MAPK6: variants seen among roughly 807,000 people sequenced by gnomAD.
MAPK6 encodes the protein mitogen-activated protein kinase 6.
MAPK6 carries 19 observed loss-of-function variants against 59.3 expected under a neutral mutation model. The ratio of observed to expected loss-of-function variants is 0.32; its 90% CI spans 0.22 to 0.47. MAPK6 has a LOEUF of 0.47. MAPK6 is among the 20% of genes least tolerant of loss of function. The pLI, the probability that MAPK6 is intolerant of heterozygous loss-of-function variation, is 1.00. For synonymous variants in MAPK6, 316 were observed against 290.3 expected, an observed-to-expected ratio of 1.09 and a Z score of -0.90; for missense variants, 724 against 847.9, an observed-to-expected ratio of 0.85 and a Z score of 1.81.
chr15:52,003,691 A>G (rs1341542813), intron 2 of MAPK6, among the ~76,000 whole-genome samples: 1 of 152,242 alleles, frequency 6.6e-6, no homozygotes, highest in Non-Finnish European at 1.5e-5. Context: ...TAAAAATAAA[A>G]TGCTTTTAAA....
Position 52,027,634 on chromosome 15 carries a change from T to TA in MAPK6, c.-632+8259dup, listed in dbSNP as rs1555397645. Reference sequence around the variant, plus strand: ...TAATCTTAATTTTTTTTTTTTTTTTTATAGGCGGGGTCTCCCTGTGTTGCC... The same window carrying TA: ...TAATCTTAATTTTTTTTTTTTTTTTTAATAGGCGGGGTCTCCCTGTGTTGCC... On this transcript the variant is annotated intron_variant, in intron 1 of 5. Transcript: ENST00000261845. The TA allele has an allele frequency of 2.0e-4, 29 of 148,696 alleles. No homozygotes were observed. The East Asian group carries it at 3.7e-3, about 19-fold the overall frequency. 9.2% of individuals were successfully genotyped at this position (148,696 alleles called of 1,614,324 possible).
At chr15:52,054,897 C>T (rs1342905472) in intron 3 of MAPK6, among the ~76,000 whole-genome samples, 1 of 152,154 alleles carries the variant, frequency 6.6e-6, no homozygotes, top group African/African-American at 2.4e-5. Context: ...AAGCGACTCT[C>T]CTGCCTCAGC....
chr15:52,029,336 G>T (rs1048639505), intron 1 of MAPK6, among the ~76,000 whole-genome samples: 1 of 151,954 alleles, frequency 6.6e-6, no homozygotes, highest in Non-Finnish European at 1.5e-5. Context: ...TATTAAACAG[G>T]CTTCTCTCCT....
intron 1 of MAPK6, among the ~76,000 whole-genome samples, chr15:52,039,509 CTTTTTTTTT>C (rs11341546): frequency 1.2e-4 from 10 of 85,830 alleles, no homozygotes; most frequent in South Asian, 3.9e-4. Context: ...AGTGTTTTGT[CTTTTTTTTT>C]TTTTTTTTTT....
intron 1 of MAPK6, among the ~76,000 whole-genome samples, chr15:51,978,680 G>GA (rs1213548383): frequency 1.3e-5 from 2 of 150,968 alleles, no homozygotes; most frequent in African/African-American, 2.4e-5. Flanking sequence ...AACAAAACAA[G>GA]AAAAAAACTT....
chr15:51,995,365 T>C (rs1402358090), intron 2 of MAPK6, among the ~76,000 whole-genome samples: 2 of 152,188 alleles, frequency 1.3e-5, no homozygotes, highest in East Asian at 3.8e-4. Context: ...TTTCTGCAGC[T>C]GTAGGAGTTG....
intron 2 of MAPK6, among the ~76,000 whole-genome samples, chr15:51,984,694 A>G (rs1403460419): frequency 2.7e-5 from 4 of 150,542 alleles, no homozygotes; most frequent in East Asian, 1.9e-4. Flanking sequence ...TCCGGGGGGG[A>G]AGAAAAGCCC....
intron 1 of MAPK6, among the ~76,000 whole-genome samples, chr15:52,045,307 C>T (rs2031563618): frequency 6.6e-6 from 1 of 152,080 alleles, no homozygotes; most frequent in Non-Finnish European, 1.5e-5. Context: ...ACATTAAATA[C>T]CTTTTCATAG....
chr15:52,008,891 A>G (rs941596562), intron 3 of MAPK6, among the ~76,000 whole-genome samples: 3 of 152,192 alleles, frequency 2.0e-5, no homozygotes, highest in Non-Finnish European at 4.4e-5. Flanking sequence ...AGAGGTGGTT[A>G]TCAGTTTCTG....
intron 1 of MAPK6, among the ~76,000 whole-genome samples, chr15:51,978,623 A>G (rs545490284): frequency 6.6e-6 from 1 of 151,788 alleles, no homozygotes; most frequent in Non-Finnish European, 1.5e-5. Context: ...AAGTACGCTC[A>G]ATTTCAGAGA....
At chr15:52,062,878 C>G (rs528067124) in intron 5 of MAPK6, among the ~76,000 whole-genome samples, 61 of 152,222 alleles carry the variant, frequency 4.0e-4, no homozygotes, top group Non-Finnish European at 7.2e-4. Flanking sequence ...AGGATGGTAG[C>G]TTATAGAGTC....
At chr15:52,045,675 TTTGA>T (rs1474904634) in intron 1 of MAPK6, among the ~76,000 whole-genome samples, 151 bp from the exon 2 acceptor site, 1 of 152,190 alleles carries the variant, frequency 6.6e-6, no homozygotes, top group East Asian at 1.9e-4. Flanking sequence ...GTAAGCTATT[TTTGA>T]TTAAGGGTAA....
intron 2 of MAPK6, among the ~76,000 whole-genome samples, chr15:51,995,192 A>C (rs2057220961): frequency 6.6e-6 from 1 of 152,172 alleles, no homozygotes; most frequent in African/African-American, 2.4e-5. Context: ...GTATGTAAGG[A>C]AGGCCCAGCA....
At position 52,065,279 on chromosome 15, in the gene MAPK6, G is replaced by C. The variant is rs909179341; in HGVS notation, c.*279G>C. The C allele has an allele frequency of 3.4e-6, 1 of 292,706 alleles. No individual in the cohort carries two copies. The highest frequency in any genetic ancestry group is 2.2e-5 in the African/African-American group (1 of 45,828). The allele number at this position is 292,706 out of a possible 1,614,324, so 18.1% of individuals were successfully genotyped here. Reference sequence around the variant, plus strand: ...ACTAAGACAAGAACATTCTCTCATAGAACATTGATCTGTTTTACAGGAAAC... The same window carrying C: ...ACTAAGACAAGAACATTCTCTCATACAACATTGATCTGTTTTACAGGAAAC... On this transcript the variant is annotated 3_prime_UTR_variant, in exon 6 of 6. Transcript: ENST00000261845.
chr15:51,976,381 G>A (rs2057157514), intron 1 of MAPK6, among the ~76,000 whole-genome samples: 1 of 151,452 alleles, frequency 6.6e-6, no homozygotes, highest in Non-Finnish European at 1.5e-5. Flanking sequence ...TTCTTAGGAA[G>A]ATTCAAACTA....
At chr15:52,040,489 A>G (rs2141895692) in intron 1 of MAPK6, among the ~76,000 whole-genome samples, 1 of 152,320 alleles carries the variant, frequency 6.6e-6, no homozygotes, top group African/African-American at 2.4e-5. Context: ...AAAACCAGAA[A>G]AAGTAACCTT....
chr15:52,045,629 C>A (rs1213292953), intron 1 of MAPK6, among the ~76,000 whole-genome samples: 1 of 152,054 alleles, frequency 6.6e-6, no homozygotes, highest in African/African-American at 2.4e-5. Flanking sequence ...AATCTGGAGC[C>A]CGGGCCAACG....
At chr15:52,050,161 A>T (rs750042065) in intron 3 of MAPK6, 24 bp downstream of exon 3, 6 of 1,581,018 alleles carry the variant, frequency 3.8e-6, no homozygotes, top group African/African-American at 1.4e-5. Context: ...GGGGGGAAAA[A>T]TTTTCCCAAA....
chr15:52,048,507 C>T (rs141441568), intron 2 of MAPK6, among the ~76,000 whole-genome samples: 35 of 152,124 alleles, frequency 2.3e-4, no homozygotes, highest in South Asian at 8.3e-4. Flanking sequence ...ATTCCAGCTA[C>T]TCGGGAGGCT....
Sources: allele counts gnomAD v4.1 joint callset (sites outside exome capture counted in the v4.1 genomes callset), GRCh38; gene constraint gnomAD v4.1.1; transcripts MANE v1.5; gene names NCBI Gene and HGNC (gene_info 2026-07-23, HGNC 2026-07-21).